Variants in TTC16 observed in about 807,000 individuals in gnomAD.
TTC16 encodes tetratricopeptide repeat domain 16.
Under a neutral mutation model 80.4 loss-of-function variants are expected in TTC16, and 66 were observed. The ratio of observed to expected loss-of-function variants is 0.82; its 90% confidence interval spans 0.67 to 1.01. TTC16 has a LOEUF of 1.01. Among genes scored for constraint, TTC16 ranks in the 50% least tolerant of loss-of-function variants. TTC16 has a pLI of 0.00. For missense variants in TTC16, 1,070 were observed against 1,103.2 expected, an observed-to-expected ratio of 0.97 and a Z score of 0.43; for synonymous variants, 438 against 451.3, an observed-to-expected ratio of 0.97 and a Z score of 0.37.
At position 127,731,336 on chromosome 9, in the gene TTC16, C is replaced by T; in HGVS notation, c.2553C>T (p.Thr851=). 6.2e-7 allele frequency: 1 copy of T among 1,613,038 alleles called. No individual in the cohort carries two copies. Among genetic ancestry groups the T allele is most frequent in the Non-Finnish European group, 8.5e-7 (1 of 1,180,038 alleles). The change falls in exon 14 of 14, where the codon ACC becomes ACT. Residue 851 remains threonine (T), a synonymous_variant. Coordinates refer to ENST00000373289, the MANE Select transcript of TTC16 (RefSeq NM_144965.3). The part of the protein sequence containing the change: ...MSSTSSKAES[T]WGPSPSLSKT... ...CAACTTCCAGCAAGGCCGAGTCCAC[C>T]TGGGGACCCAGCCCAAGTCTCAGCA...
intron 6 of TTC16, among the ~76,000 whole-genome samples, chr9:127,720,801 TTCCTCCC>T (rs1843387814): frequency 4.9e-5 from 3 of 60,674 alleles, no homozygotes; most frequent in Admixed American, 1.9e-4. Flanking sequence ...CCCTTCCCCC[TTCCTCCC>T]TCCTTCTTTC....
In TTC16 at chr9:127,716,291, C is replaced by T. The variant is rs543951887; in HGVS notation, c.18+128C>T. The T allele has an allele frequency of 1.4e-5, 19 of 1,380,356 alleles. No homozygotes were observed. The African/African-American group carries it at 2.4e-4, about 17-fold the overall frequency. The allele number at this position is 1,380,356 out of a possible 1,614,324, so 85.5% of individuals were successfully genotyped here. ...AGTCCGACTCAGGGAAGGCCCTGGC[C>T]GCCATGCCAAGAACCAGGCATGTGA... On this transcript the variant is annotated intron_variant, in intron 1 of 13. Transcript: ENST00000373289.
intron 9 of TTC16, among the ~76,000 whole-genome samples, chr9:127,725,852 G>A (rs749994542): frequency 6.6e-6 from 1 of 152,052 alleles, no homozygotes; most frequent in Non-Finnish European, 1.5e-5. Context: ...CACCTGCCTT[G>A]GCCTCCCAAA....
rs914666218 is a variant in TTC16 at position 127,726,998 on chromosome 9, C to G, written c.1454C>G (p.Pro485Arg). ...TCCCTGCTGATGACCAACCTCTTCC[C>G]GGGCATGTCGGTGGAGGAGGTGCTT... is the stretch of plus-strand genomic sequence containing the variant. Reference protein sequence around the residue: ...KLSLLMTNLFPGMSVEEVLST... With the variant: ...KLSLLMTNLFRGMSVEEVLST... Residue 485 changes from proline to arginine, a missense_variant, in exon 11 of 14, where the codon CCG becomes CGG. By Grantham distance (103) the Pro-to-Arg change is moderately radical (BLOSUM62 -2). Coordinates refer to ENST00000373289, the MANE Select transcript of TTC16 (RefSeq NM_144965.3). The G allele has an allele frequency of 6.2e-7, 1 of 1,613,166 alleles. No homozygotes were observed. Among genetic ancestry groups the G allele is most frequent in the East Asian group, 2.2e-5 (1 of 44,874 alleles).
At chr9:127,719,421 C>T (rs1034334710) in intron 4 of TTC16, among the ~76,000 whole-genome samples, 2 of 152,232 alleles carry the variant, frequency 1.3e-5, no homozygotes, top group Admixed American at 6.5e-5. Flanking sequence ...TAGCACAGGG[C>T]TCAGCACCCA....
In TTC16 at chr9:127,723,124, C is replaced by T. The variant is rs1811253272; in HGVS notation, c.663C>T (p.His221=). ...CCACCCATGGCCTCCTGCAGCCCCA[C>T]CTCTGCTACCGGGACCTGCACAGCG... ...ARLYNFLQKP[H]LCYRDLHSAL... Residue 221 remains histidine, a synonymous_variant, in exon 7 of 14, where the codon CAC becomes CAT. Transcript: ENST00000373289. 1.2e-6 allele frequency: 2 copies of T among 1,610,896 alleles called. No homozygotes were observed. Among genetic ancestry groups the T allele is most frequent in the East Asian group, 2.2e-5 (1 of 44,880 alleles).
At position 127,723,458 on chromosome 9, in the gene TTC16, T is replaced by C. The variant is rs1260809502; in HGVS notation, c.872+125T>C. On this transcript the variant is annotated intron_variant, in intron 7 of 13. Coordinates refer to ENST00000373289, the MANE Select transcript of TTC16 (RefSeq NM_144965.3). ...TTCCCCAGCTAGCCTCTAACAGTCT[T>C]TCCCTACTTCCTACTGGGTTAAGGC... The C allele has an allele frequency of 1.3e-5, 12 of 893,968 alleles. No individual in the cohort carries two copies. In the Admixed American group the frequency reaches 2.9e-4, roughly 22 times the overall value. 55.4% of individuals were successfully genotyped at this position (893,968 alleles called of 1,614,324 possible). A position where few individuals can be genotyped will look rare whatever the true frequency, so the allele number is the denominator to read the frequency against.
Position 127,724,895 on chromosome 9 carries a change from C to A in TTC16, c.1257C>A (p.Arg419=). Residue 419 remains arginine (R), a splice_region_variant and synonymous_variant, in exon 9 of 14, where the codon CGC becomes CGA. Coordinates refer to ENST00000373289, the MANE Select transcript of TTC16 (RefSeq NM_144965.3). ...QEKMGFCEQR[R]KQFQKAENHF... ...AGATGGGCTTCTGCGAGCAGAGGCG[C>A]AAGTGCGTGGGCTCCCGCCCCCACG... The A allele has an allele frequency of 6.5e-7, 1 of 1,530,410 alleles. No homozygotes were observed. Among genetic ancestry groups the A allele is most frequent in the Non-Finnish European group, 8.8e-7 (1 of 1,141,960 alleles). The allele number at this position is 1,530,410 out of a possible 1,614,324, so 94.8% of individuals were successfully genotyped here. A position where few individuals can be genotyped will look rare whatever the true frequency, so the allele number is the denominator to read the frequency against.
At chr9:127,728,631 C>T (rs1461091699) in intron 12 of TTC16, 1 of 152,200 alleles carries the variant, frequency 6.6e-6, no homozygotes, top group Non-Finnish European at 1.5e-5. Flanking sequence ...CCTGTCTCTG[C>T]AAAAAATACA....
At chr9:127,717,172 G>A (rs759854095) in intron 2 of TTC16, 156 bp downstream of exon 2, 18 of 1,233,828 alleles carry the variant, frequency 1.5e-5, no homozygotes, top group Non-Finnish European at 1.8e-5. Flanking sequence ...TGATGGCCTG[G>A]CTGGACTCCA....
intron 12 of TTC16, chr9:127,729,337 A>C: frequency 2.1e-6 from 1 of 472,084 alleles, no homozygotes; most frequent in Non-Finnish European, 3.8e-6. Context: ...GTTGAAAAAA[A>C]CCAAGGCGCT....
intron 4 of TTC16, among the ~76,000 whole-genome samples, chr9:127,719,013 C>T (rs1044317599): frequency 1.3e-5 from 2 of 151,560 alleles, no homozygotes; most frequent in Non-Finnish European, 2.9e-5. Context: ...GAGTTTGAGA[C>T]CAGCCTGGCC....
At chr9:127,720,728 G>A (rs886359837) in intron 6 of TTC16, among the ~76,000 whole-genome samples, 1 of 150,558 alleles carries the variant, frequency 6.6e-6, no homozygotes, top group Non-Finnish European at 1.5e-5. Context: ...ACACTAGGAG[G>A]GCTTTAGCCA....
chr9:127,722,195 A>C lies in TTC16; in HGVS notation c.658-924A>C, dbSNP rs1332823935. 6.6e-6 allele frequency among the ~76,000 whole-genome samples: 1 copy of C among 152,088 alleles called. No homozygotes were observed. Among genetic ancestry groups the C allele is most frequent in the Non-Finnish European group, 1.5e-5 (1 of 68,022 alleles). Reference sequence around the variant, plus strand: ...CTGGAGCCCAAGGCTGCTTATGCCGAAGCCCTGCCCCTAGCTCCTGCCATT... The same window carrying C: ...CTGGAGCCCAAGGCTGCTTATGCCGCAGCCCTGCCCCTAGCTCCTGCCATT... On this transcript the variant is annotated intron_variant, in intron 6 of 13. Transcript: ENST00000373289. This position sits in a 1 kb window ranked among gnomAD's most constrained non-coding sequence, Gnocchi z 4.2.
At chr9:127,729,417 A>G in intron 12 of TTC16, 164 bp from the exon 13 acceptor site, 2 of 593,436 alleles carry the variant, frequency 3.4e-6, no homozygotes, top group South Asian at 2.0e-5. Flanking sequence ...CCTTCCTGCC[A>G]GGCTTAGCCT....
At chr9:127,720,800 CTT>C in intron 6 of TTC16, among the ~76,000 whole-genome samples, 1 of 84,452 alleles carries the variant, frequency 1.2e-5, no homozygotes. Context: ...GCCCTTCCCC[CTT>C]CCTCCCTCCT....
chr9:127,716,690 TG>T, intron 1 of TTC16, 153 bp from the exon 2 acceptor site: 4 of 936,180 alleles, frequency 4.3e-6, no homozygotes, highest in Non-Finnish European at 6.2e-6. Context: ...CTAAGGGGAA[TG>T]GGGCTGGGAG....
chr9:127,731,024 C>T lies in TTC16; in HGVS notation c.2241C>T (p.Ser747=), dbSNP rs773760414. The change falls in exon 14 of 14, where the codon AGC becomes AGT. Residue 747 remains serine (S), a synonymous_variant. Transcript: ENST00000373289. ...EATQGQRQSS[S]EIEATQGPRQ... is the part of the protein sequence containing the mutation. Reference sequence around the variant, plus strand: ...CTCAGGGCCAGAGGCAGAGCTCCAGCGAGATTGAGGCCACCCAGGGCCCAA... The same window carrying T: ...CTCAGGGCCAGAGGCAGAGCTCCAGTGAGATTGAGGCCACCCAGGGCCCAA... 53 of 1,610,094 alleles carry T rather than the reference C, an allele frequency of 3.3e-5. No individual in the cohort carries two copies. Among genetic ancestry groups the T allele is most frequent in the Non-Finnish European group, 3.8e-5 (45 of 1,179,058 alleles).
intron 4 of TTC16, 58 bp from the exon 5 acceptor site, chr9:127,720,020 T>TG: frequency 2.0e-6 from 3 of 1,508,366 alleles, no homozygotes; most frequent in Admixed American, 1.7e-5. Context: ...TGCTGCCAAC[T>TG]GGGGGGTGCA....
Sources: allele counts gnomAD v4.1 joint callset (sites outside exome capture counted in the v4.1 genomes callset), GRCh38; gene constraint gnomAD v4.1.1; non-coding constraint Gnocchi (gnomAD v3.1); transcripts MANE v1.5; gene names NCBI Gene and HGNC (gene_info 2026-07-23, HGNC 2026-07-21).